Variants in GRM4 observed in about 807,000 individuals in gnomAD.
GRM4 encodes the protein metabotropic glutamate receptor 4.
Under a neutral mutation model 81.7 loss-of-function variants are expected in GRM4, and 28 were observed. That is an observed-to-expected ratio of 0.34 (90% CI 0.25 to 0.47). GRM4 has a LOEUF of 0.47. Ranked by LOEUF, GRM4 falls within the 20% of genes least tolerant of loss-of-function variation. The probability of loss-of-function intolerance (pLI) is 1.00; values close to 1 mark genes in which losing one functional copy is unlikely to be tolerated. For synonymous variants in GRM4, 488 were observed against 528.8 expected (o/e 0.92, Z 1.06); for missense variants, 948 against 1,290.0 (o/e 0.73, Z 4.06).
chr6:34,143,469 C>G (rs1298287425), intron 1 of GRM4, among the ~76,000 whole-genome samples: 1 of 152,196 alleles, frequency 6.6e-6, no homozygotes, highest in African/African-American at 2.4e-5. Flanking sequence ...GGCCCCTGCG[C>G]TATGGGTGCT....
At chr6:34,117,625 C>T (rs550202757) in intron 2 of GRM4, among the ~76,000 whole-genome samples, 9 of 152,296 alleles carry the variant, frequency 5.9e-5, no homozygotes, top group African/African-American at 1.9e-4. Flanking sequence ...GCAGTTCATC[C>T]GGCACGTCTC....
chr6:34,075,100 C>A (rs1767245306), intron 3 of GRM4, among the ~76,000 whole-genome samples: 1 of 152,242 alleles, frequency 6.6e-6, no homozygotes, highest in African/African-American at 2.4e-5. Flanking sequence ...CTGGTCTGAC[C>A]CGCGGGCAGT....
intron 3 of GRM4, chr6:34,091,446 C>A (rs550474550): frequency 1.5e-4 from 28 of 181,414 alleles, no homozygotes; most frequent in Middle Eastern, 2.4e-3. Flanking sequence ...GGCCCTCCAC[C>A]CTCACCCCCA....
chr6:34,103,438 G>A (rs987301880), intron 2 of GRM4: 10 of 666,150 alleles, frequency 1.5e-5, no homozygotes, highest in Admixed American at 4.3e-5. Flanking sequence ...GAGGCGGCTC[G>A]ATGCAGGCTC....
chr6:34,033,720 T>G (rs1244921311), intron 9 of GRM4, among the ~76,000 whole-genome samples: 1 of 151,510 alleles, frequency 6.6e-6, no homozygotes, highest in Non-Finnish European at 1.5e-5. Context: ...TCTCTCTCCC[T>G]CTCTCTCTCT....
rs114538520 is a variant in GRM4 at position 34,109,998 on chromosome 6, C to T, written c.520-17899G>A. ...GTCCACACATGTGCACACAGACACA[C>T]GGGGGACACAGGTCACATGTTCAGG... On this transcript the variant is annotated intron_variant, in intron 2 of 10. Transcript: ENST00000538487. 8.2e-3 allele frequency among the ~76,000 whole-genome samples: 1,245 copies of T among 152,226 alleles called. 6 individuals are homozygous for T. The highest frequency in any genetic ancestry group is 0.014 in the African/African-American group (578 of 41,538).
chr6:34,087,858 C>T (rs1322707461), intron 3 of GRM4, among the ~76,000 whole-genome samples: 1 of 130,572 alleles, frequency 7.7e-6, no homozygotes, highest in African/African-American at 3.0e-5. Context: ...GCCTAGCTGC[C>T]TTTGGAGTTC....
chr6:34,026,224 G>A (rs1345543238), intron 10 of GRM4, among the ~76,000 whole-genome samples: 1 of 152,170 alleles, frequency 6.6e-6, no homozygotes, highest in Non-Finnish European at 1.5e-5. Context: ...CTGTTCCACA[G>A]GAGTGACACC....
At chr6:34,030,313 TG>T (rs1764349774) in intron 9 of GRM4, among the ~76,000 whole-genome samples, 1 of 152,160 alleles carries the variant, frequency 6.6e-6, no homozygotes, top group South Asian at 2.1e-4. Context: ...CCTCTCACAC[TG>T]GGGGTTCTTG....
chr6:34,155,521 A>C (rs1771134696), exon 1 of GRM4: 1 of 568,506 alleles, frequency 1.8e-6, no homozygotes, highest in Non-Finnish European at 2.9e-6. Context: ...AAACCAATTA[A>C]AATCTGTTTT....
At chr6:34,025,766 C>T (rs1764103113) in intron 10 of GRM4, among the ~76,000 whole-genome samples, 1 of 152,238 alleles carries the variant, frequency 6.6e-6, no homozygotes. Context: ...GCCCTTCTAA[C>T]AAACTGACCT....
In GRM4 at chr6:34,028,303, T is replaced by C. The variant is rs139612028; in HGVS notation, c.2506A>G (p.Met836Val). ...VSLSASVSLG[M>V]LYMPKVYIIL... The stretch of plus-strand genomic sequence containing the variant: ...ATGTAGACTTTGGGCATGTAGAGCA[T>C]TCCCAGGGACACCGAGGCGCTCAGA... The change falls in exon 10 of 11, where the codon ATG (methionine) becomes GTG (valine). Residue 836 changes from methionine to valine, a missense_variant. Physicochemically the swap from Met to Val is conservative, Grantham distance 21. Coordinates refer to ENST00000538487, the MANE Select transcript of GRM4 (RefSeq NM_000841.4). 5.5e-5 allele frequency: 89 copies of C among 1,613,502 alleles called. No homozygotes were observed. The highest frequency in any genetic ancestry group is 2.3e-4 in the Admixed American group (14 of 60,008).
Position 34,068,295 on chromosome 6 carries a change from G to A in GRM4, c.737-6267C>T, listed in dbSNP as rs970959956. Among the ~76,000 whole-genome samples, 2 of 152,142 alleles carry A rather than the reference G, an allele frequency of 1.3e-5. No homozygotes were observed. The highest frequency in any genetic ancestry group is 1.9e-4 in the East Asian group (1 of 5,188). ...TTCTCTAGGAGCTGCTGCCTTGCCC[G>A]AGACCCCAGGAATTGAGAACACTCT... On this transcript the variant is annotated intron_variant, in intron 3 of 10. Coordinates refer to ENST00000538487, the MANE Select transcript of GRM4 (RefSeq NM_000841.4). This position sits in a 1 kb window ranked among gnomAD's most constrained non-coding sequence, Gnocchi z 4.2.
rs958646262 is a variant in GRM4 at position 34,091,228 on chromosome 6, G to A, written c.736+655C>T. Among the ~76,000 whole-genome samples, 9 of 152,226 alleles carry A rather than the reference G, an allele frequency of 5.9e-5. No individual in the cohort carries two copies. The South Asian group carries it at 6.2e-4, about 10-fold the overall frequency. ...AGGGGATAACCCTTGTTATCGCTCA[G>A]CCACTTATCACTGGGGACACCTGAA... On this transcript the variant is annotated intron_variant, in intron 3 of 10. Coordinates refer to ENST00000538487, the MANE Select transcript of GRM4 (RefSeq NM_000841.4).
chr6:34,106,396 C>A (rs183916725), intron 2 of GRM4, among the ~76,000 whole-genome samples: 1 of 148,004 alleles, frequency 6.8e-6, no homozygotes, highest in Non-Finnish European at 1.5e-5. Context: ...ACCTGGGAGA[C>A]AGAGCAAGGC....
chr6:34,071,998 A>C (rs1766912863), intron 3 of GRM4, among the ~76,000 whole-genome samples: 3 of 138,630 alleles, frequency 2.2e-5, no homozygotes, highest in Admixed American at 7.3e-5. Flanking sequence ...TCACCACAAA[A>C]ATACACACCA....
rs183923317 is a variant in GRM4 at position 34,036,985 on chromosome 6, G to A, written c.1507-382C>T. Among the ~76,000 whole-genome samples, 266 of 152,280 alleles carry A rather than the reference G, an allele frequency of 1.7e-3. No homozygotes were observed. Among genetic ancestry groups the A allele is most frequent in the African/African-American group, 6.0e-3 (248 of 41,558 alleles). On this transcript the variant is annotated intron_variant, in intron 8 of 10. Coordinates refer to ENST00000538487, the MANE Select transcript of GRM4 (RefSeq NM_000841.4). This position sits in a 1 kb window ranked among gnomAD's most constrained non-coding sequence, Gnocchi z 9.0. ...TGCTGCTCACAGTGGTCCCCAGGGC[G>A]GCAGCAGCAGCCTCACCCAGGAGCT...
At chr6:34,044,685 G>GACACAC (rs1259486129) in intron 6 of GRM4, among the ~76,000 whole-genome samples, 6 of 105,950 alleles carry the variant, frequency 5.7e-5, no homozygotes, top group Admixed American at 1.8e-4. Flanking sequence ...CACACACACA[G>GACACAC]ACATACATAC....
At chr6:34,116,974 A>C (rs1336692792) in intron 2 of GRM4, among the ~76,000 whole-genome samples, 1 of 152,252 alleles carries the variant, frequency 6.6e-6, no homozygotes, top group African/African-American at 2.4e-5. Context: ...ACCAGTCTAC[A>C]CAGTTAGAAA....
Sources: gnomAD v4.1 joint callset for allele counts (sites outside exome capture counted in the v4.1 genomes callset) on GRCh38, gnomAD v4.1.1 for gene constraint, Gnocchi (gnomAD v3.1) non-coding constraint, MANE v1.5 for transcripts, NCBI Gene and HGNC (gene_info 2026-07-23, HGNC 2026-07-21) for gene names.